The following RTN1 variants were observed in gnomAD, a reference collection of about 807,000 sequenced individuals.
RTN1 encodes reticulon 1, also known as reticulon-1.
In RTN1, 25 loss-of-function variants were observed where a neutral mutation model predicts 65.5. That is an observed-to-expected ratio of 0.38 (90% CI 0.28 to 0.53). The LOEUF (loss-of-function observed/expected upper bound fraction) is 0.53, where lower values mean the gene tolerates loss of function less well. Ranked by LOEUF, RTN1 falls within the 20% of genes least tolerant of loss-of-function variation. The pLI, the probability that RTN1 is intolerant of heterozygous loss-of-function variation, is 0.79. For synonymous variants in RTN1, 471 were observed against 447.6 expected (o/e 1.05, Z -0.66); for missense variants, 983 against 1,025.4 (o/e 0.96, Z 0.57).
intron 3 of RTN1, among the ~76,000 whole-genome samples, chr14:59,621,027 T>C (rs1261404224): frequency 6.6e-6 from 1 of 152,194 alleles, no homozygotes; most frequent in East Asian, 1.9e-4. Flanking sequence ...TAGGAGGTGA[T>C]GGGATCAGAG....
Position 59,711,708 on chromosome 14 carries a change from G to A in RTN1, c.1765+15211C>T, listed in dbSNP as rs79493323. 2.7e-4 allele frequency among the ~76,000 whole-genome samples: 41 copies of A among 152,294 alleles called. No individual in the cohort carries two copies. The East Asian group carries it at 6.6e-3, about 24-fold the overall frequency. On this transcript the variant is annotated intron_variant, in intron 3 of 8. Coordinates refer to ENST00000267484, the MANE Select transcript of RTN1 (RefSeq NM_021136.3). ...AGCCTGTGATCTCAAAAAGCTTAAC[G>A]TCTACTTGGGAGAGATAGGCAATAA...
At chr14:59,830,324 C>T (rs1182676062) in intron 1 of RTN1, among the ~76,000 whole-genome samples, 1 of 152,218 alleles carries the variant, frequency 6.6e-6, no homozygotes, top group African/African-American at 2.4e-5. Flanking sequence ...GTAAGATTAT[C>T]GAACAGCAAG....
At chr14:59,788,639 G>A (rs1290002901) in intron 1 of RTN1, among the ~76,000 whole-genome samples, 1 of 152,024 alleles carries the variant, frequency 6.6e-6, no homozygotes, top group African/African-American at 2.4e-5. Context: ...AATTTGAAAT[G>A]CTTCATTTTT....
At chr14:59,745,602 T>G in intron 2 of RTN1, 106 bp downstream of exon 2, 2 of 961,590 alleles carry the variant, frequency 2.1e-6, no homozygotes, top group East Asian at 2.4e-5. Flanking sequence ...GGGGTCCAGA[T>G]AGTAAAGTAT....
intron 3 of RTN1, among the ~76,000 whole-genome samples, chr14:59,631,562 C>A (rs1332393983): frequency 1.3e-5 from 2 of 152,142 alleles, no homozygotes; most frequent in African/African-American, 4.8e-5. Flanking sequence ...ATGCAAATGT[C>A]TAAGGAAGGA....
chr14:59,673,164 T>C (rs1883547346), intron 3 of RTN1, among the ~76,000 whole-genome samples: 1 of 152,216 alleles, frequency 6.6e-6, no homozygotes, highest in South Asian at 2.1e-4. Flanking sequence ...TTGGTACTAC[T>C]TCCCCAGCTG....
intron 3 of RTN1, among the ~76,000 whole-genome samples, chr14:59,705,773 C>T (rs1884278428): frequency 6.6e-6 from 1 of 152,158 alleles, no homozygotes; most frequent in African/African-American, 2.4e-5. Context: ...TATGTCCCTA[C>T]AAATACCTTG....
At chr14:59,777,322 C>G (rs1886070644) in intron 1 of RTN1, among the ~76,000 whole-genome samples, 1 of 152,162 alleles carries the variant, frequency 6.6e-6, no homozygotes, top group South Asian at 2.1e-4. Context: ...CTTCTTTACC[C>G]ACAGACTTTG....
chr14:59,862,414 A>C (rs1024176625), intron 1 of RTN1, among the ~76,000 whole-genome samples: 1 of 152,066 alleles, frequency 6.6e-6, no homozygotes, highest in Non-Finnish European at 1.5e-5. Flanking sequence ...ACTCCATCTC[A>C]GTTTTCCACT....
At chr14:59,863,975 C>T (rs1887754964) in intron 1 of RTN1, among the ~76,000 whole-genome samples, 1 of 152,214 alleles carries the variant, frequency 6.6e-6, no homozygotes, top group South Asian at 2.1e-4. Flanking sequence ...ATTTCTTTCT[C>T]AGATTATTGC....
rs1446534684 is a variant in RTN1 at position 59,596,202 on chromosome 14, T to C, written c.*543A>G. ...GTTTTGGATTTATTCATTTATTTAA[T>C]TATTTTAAGTTATACAAAACTGATT... On this transcript the variant is annotated 3_prime_UTR_variant, in exon 9 of 9. Coordinates refer to ENST00000267484, the MANE Select transcript of RTN1 (RefSeq NM_021136.3). The C allele has an allele frequency of 6.5e-6, 1 of 152,682 alleles. No homozygotes were observed. Among genetic ancestry groups the C allele is most frequent in the Non-Finnish European group, 1.5e-5 (1 of 68,058 alleles). The allele number at this position is 152,682 out of a possible 1,614,324, so 9.5% of individuals were successfully genotyped here.
rs1886402544 is a variant in RTN1 at position 59,794,303 on chromosome 14, A to G, written c.242-47822T>C. On this transcript the variant is annotated intron_variant, in intron 1 of 8. Coordinates refer to ENST00000267484, the MANE Select transcript of RTN1 (RefSeq NM_021136.3). The surrounding 1 kb of genome is among the most constrained non-coding windows in gnomAD (Gnocchi z 5.1). ...CTTGAGTGTTAACAGAAACACGTCTAACCCAAGTATATTGTTAACTTATAG... is the reference window on the plus strand; with the variant it reads ...CTTGAGTGTTAACAGAAACACGTCTGACCCAAGTATATTGTTAACTTATAG... 6.6e-6 allele frequency among the ~76,000 whole-genome samples: 1 copy of G among 152,234 alleles called. No homozygotes were observed. The highest frequency in any genetic ancestry group is 6.5e-5 in the Admixed American group (1 of 15,274).
At chr14:59,851,936 C>T (rs1475423768) in intron 1 of RTN1, among the ~76,000 whole-genome samples, 3 of 151,716 alleles carry the variant, frequency 2.0e-5, no homozygotes, top group African/African-American at 7.3e-5. Flanking sequence ...AACAGAACTG[C>T]TCGGTTTTAA....
At chr14:59,606,485 G>A (rs1169766681) in intron 4 of RTN1, among the ~76,000 whole-genome samples, 1 of 152,050 alleles carries the variant, frequency 6.6e-6, no homozygotes, top group Non-Finnish European at 1.5e-5. Context: ...GCCCAAGGGA[G>A]CTTGTTCACT....
intron 3 of RTN1, among the ~76,000 whole-genome samples, chr14:59,663,821 A>AAACAACAGG (rs1883304725): frequency 3.3e-5 from 5 of 150,822 alleles, no homozygotes; most frequent in East Asian, 1.9e-4. Context: ...AAAATGCTGG[A>AAACAACAGG]TGCTGGAGAG....
intron 1 of RTN1, among the ~76,000 whole-genome samples, chr14:59,750,885 G>A (rs1885505512): frequency 6.7e-6 from 1 of 148,376 alleles, no homozygotes; most frequent in African/African-American, 2.5e-5. Flanking sequence ...GGCTAATTTT[G>A]TTTTCATTTT....
chr14:59,865,679 A>G (rs954571933), intron 1 of RTN1, among the ~76,000 whole-genome samples: 1 of 152,164 alleles, frequency 6.6e-6, no homozygotes, highest in Non-Finnish European at 1.5e-5. Context: ...TTTTTGGACC[A>G]TGTTCTTTAC....
At chr14:59,854,803 ATCTC>A (rs1320010731) in intron 1 of RTN1, among the ~76,000 whole-genome samples, 4 of 152,300 alleles carry the variant, frequency 2.6e-5, no homozygotes, top group Admixed American at 6.5e-5. Context: ...AAGTCACTCA[ATCTC>A]TCTCTATCTC....
chr14:59,806,962 C>T (rs1177126603), intron 1 of RTN1, among the ~76,000 whole-genome samples: 1 of 152,184 alleles, frequency 6.6e-6, no homozygotes, highest in Non-Finnish European at 1.5e-5. Context: ...TGGCTGCGCC[C>T]TCAAAAGGCT....
Sources: gnomAD v4.1 joint callset for allele counts (sites outside exome capture counted in the v4.1 genomes callset) on GRCh38, gnomAD v4.1.1 for gene constraint, Gnocchi (gnomAD v3.1) non-coding constraint, MANE v1.5 for transcripts, NCBI Gene and HGNC (gene_info 2026-07-23, HGNC 2026-07-21) for gene names.